The following NARS2 variants were observed in gnomAD, a reference collection of about 807,000 sequenced individuals.
The protein encoded by NARS2 is asparaginyl-tRNA synthetase 2, mitochondrial.
A neutral mutation model predicts 62.9 loss-of-function variants in NARS2; 60 were observed. That is an observed-to-expected ratio of 0.95 (90% CI 0.77 to 1.18). The LOEUF is 1.18. Among genes scored for constraint, NARS2 ranks in the 50% most tolerant of loss-of-function variants. The pLI, the probability that NARS2 is intolerant of heterozygous loss-of-function variation, is 0.00. For synonymous variants in NARS2, 196 were observed against 200.0 expected, an observed-to-expected ratio of 0.98 and a Z score of 0.17; for missense variants, 619 against 576.4, an observed-to-expected ratio of 1.07 and a Z score of -0.76.
At chr11:78,504,758 A>G (rs1860424133) in intron 6 of NARS2, among the ~76,000 whole-genome samples, 1 of 152,152 alleles carries the variant, frequency 6.6e-6, no homozygotes, top group Admixed American at 6.5e-5. Flanking sequence ...TTCCCTAAAA[A>G]CAAGCAAATA....
At chr11:78,573,328 G>C (rs1856996770) in intron 1 of NARS2, 1 of 152,266 alleles carries the variant, frequency 6.6e-6, no homozygotes, top group East Asian at 1.9e-4. Flanking sequence ...CTTGAGTCCA[G>C]GAGTTTGAGA....
intron 11 of NARS2, among the ~76,000 whole-genome samples, chr11:78,450,963 G>A (rs1857951825): frequency 6.6e-6 from 1 of 152,174 alleles, no homozygotes; most frequent in Non-Finnish European, 1.5e-5. Context: ...TTACAGGCGT[G>A]AGCCACTGTG....
intron 6 of NARS2, among the ~76,000 whole-genome samples, chr11:78,523,327 C>CT (rs1861193394): frequency 6.6e-6 from 1 of 152,148 alleles, no homozygotes; most frequent in African/African-American, 2.4e-5. Flanking sequence ...TAAGCATTTG[C>CT]AAGGATGTGG....
At chr11:78,567,522 G>A (rs974181806) in intron 3 of NARS2, among the ~76,000 whole-genome samples, 2 of 152,024 alleles carry the variant, frequency 1.3e-5, no homozygotes, top group African/African-American at 4.8e-5. Flanking sequence ...TGAAACACAC[G>A]GCAAATTTTT....
At chr11:78,522,980 C>A (rs1861182359) in intron 6 of NARS2, among the ~76,000 whole-genome samples, 2 of 151,938 alleles carry the variant, frequency 1.3e-5, no homozygotes, top group Non-Finnish European at 2.9e-5. Context: ...TTGCCAACAT[C>A]AAGGATGTGA....
intron 5 of NARS2, among the ~76,000 whole-genome samples, chr11:78,533,962 AT>A (rs1260236636): frequency 1.3e-5 from 2 of 152,092 alleles, no homozygotes; most frequent in Non-Finnish European, 2.9e-5. Context: ...TTCTCCAGGT[AT>A]TTTCATAGCT....
intron 7 of NARS2, among the ~76,000 whole-genome samples, chr11:78,487,649 A>G (rs1212363673): frequency 2.0e-5 from 3 of 152,198 alleles, no homozygotes; most frequent in African/African-American, 7.2e-5. Flanking sequence ...ACCTAGACAT[A>G]TCATAATCCA....
intron 5 of NARS2, among the ~76,000 whole-genome samples, chr11:78,538,787 A>T (rs1855482140): frequency 6.6e-6 from 1 of 151,588 alleles, no homozygotes; most frequent in South Asian, 2.1e-4. Context: ...CGAGGTCAGG[A>T]GATCGAGACC....
intron 9 of NARS2, among the ~76,000 whole-genome samples, chr11:78,472,135 C>T (rs1275685559): frequency 6.6e-6 from 1 of 152,188 alleles, no homozygotes; most frequent in Non-Finnish European, 1.5e-5. Context: ...TCATTAGAGG[C>T]AGAACTTTCA....
rs144321441 is a variant in NARS2 at position 78,541,770 on chromosome 11, A to G, written c.595-12834T>C. Among the ~76,000 whole-genome samples, 507 of 152,312 alleles carry G rather than the reference A, an allele frequency of 3.3e-3. 5 individuals carry two copies. The highest frequency in any genetic ancestry group is 0.012 in the African/African-American group (489 of 41,570). ...ACTAAATCTGTCATACAGTCTCCAA[A>G]GATTTGTGGGTTGGTAGTTTCATGA... On this transcript the variant is annotated intron_variant, in intron 5 of 13. Transcript: ENST00000281038.
chr11:78,566,091 A>G lies in NARS2; in HGVS notation c.513+41T>C, dbSNP rs778564054. On this transcript the variant is annotated intron_variant, in intron 4 of 13. Transcript: ENST00000281038. ...CACAACTGTTTTTAAACAGTTATTA[A>G]AACTGTTTAAAGGGTCAAGAGGGAA... is the stretch of plus-strand genomic sequence containing the variant. The G allele has an allele frequency of 1.5e-5, 23 of 1,506,568 alleles. No homozygotes were observed. The Admixed American group carries it at 2.1e-4, about 14-fold the overall frequency. The allele number at this position is 1,506,568 out of a possible 1,614,324, so 93.3% of individuals were successfully genotyped here.
At chr11:78,548,151 G>A (rs116559288) in intron 5 of NARS2, among the ~76,000 whole-genome samples, 1,646 of 152,254 alleles carry the variant, frequency 0.011, 35 homozygotes, top group African/African-American at 0.039. Flanking sequence ...GGAGTTGGAC[G>A]TTGCACTGAG....
intron 7 of NARS2, among the ~76,000 whole-genome samples, chr11:78,490,355 T>C (rs966453390): frequency 6.6e-6 from 1 of 152,206 alleles, no homozygotes; most frequent in African/African-American, 2.4e-5. Context: ...ATATCTGAGA[T>C]AACACCAGCA....
chr11:78,554,517 G>GTGTGTGTGTGTA (rs1856266354), intron 5 of NARS2, among the ~76,000 whole-genome samples: 1 of 151,050 alleles, frequency 6.6e-6, no homozygotes, highest in African/African-American at 2.5e-5. Flanking sequence ...GCGTGTGTGT[G>GTGTGTGTGTGTA]TGTGTGTGTG....
At chr11:78,491,594 T>C (rs554224095) in intron 7 of NARS2, among the ~76,000 whole-genome samples, 2 of 152,372 alleles carry the variant, frequency 1.3e-5, no homozygotes, top group South Asian at 4.1e-4. Context: ...TGCTTTTAGA[T>C]GGGACAACTG....
intron 5 of NARS2, among the ~76,000 whole-genome samples, chr11:78,531,742 T>C (rs1053635543): frequency 1.3e-5 from 2 of 152,198 alleles, no homozygotes; most frequent in African/African-American, 4.8e-5. Context: ...TGTTAAAACA[T>C]AGATGAACAA....
intron 6 of NARS2, among the ~76,000 whole-genome samples, chr11:78,513,198 C>T (rs994018050): frequency 5.9e-5 from 9 of 151,746 alleles, no homozygotes; most frequent in East Asian, 2.0e-4. Flanking sequence ...TGCAGTGAGC[C>T]GAGACTGCAC....
chr11:78,536,026 A>C (rs1855323991), intron 5 of NARS2, among the ~76,000 whole-genome samples: 2 of 152,216 alleles, frequency 1.3e-5, no homozygotes, highest in Non-Finnish European at 2.9e-5. Flanking sequence ...ATGATGAATA[A>C]TACAGATAAA....
chr11:78,464,470 G>A (rs1022954295), intron 11 of NARS2, among the ~76,000 whole-genome samples: 1 of 152,102 alleles, frequency 6.6e-6, no homozygotes, highest in African/African-American at 2.4e-5. Context: ...GCGCTGATTG[G>A]TACATTTACA....
Sources: allele counts gnomAD v4.1 joint callset (sites outside exome capture counted in the v4.1 genomes callset), GRCh38; gene constraint gnomAD v4.1.1; transcripts MANE v1.5; gene names NCBI Gene and HGNC (gene_info 2026-07-23, HGNC 2026-07-21).